SEMA3E: variants seen among roughly 807,000 people sequenced by gnomAD.
The protein encoded by SEMA3E is semaphorin 3E.
A neutral mutation model predicts 93.6 loss-of-function variants in SEMA3E; 49 were observed. That is an observed-to-expected ratio of 0.52 (90% CI 0.42 to 0.66). The LOEUF (loss-of-function observed/expected upper bound fraction) is 0.66. SEMA3E is among the 30% of genes least tolerant of loss of function. The pLI is 0.00. For synonymous variants in SEMA3E, 363 were observed against 330.7 expected, an observed-to-expected ratio of 1.10 and a Z score of -1.06; for missense variants, 906 against 964.8, an observed-to-expected ratio of 0.94 and a Z score of 0.81.
intron 1 of SEMA3E, among the ~76,000 whole-genome samples, chr7:83,516,325 T>C (rs1291205158): frequency 6.6e-6 from 1 of 152,178 alleles, no homozygotes; most frequent in Non-Finnish European, 1.5e-5. Context: ...GACAATCACA[T>C]AAGTTTAAAA....
rs979765655 is a variant in SEMA3E, at chr7:83,507,157, A to C, written c.116-16883T>G. Among the ~76,000 whole-genome samples the C allele has an allele frequency of 1.9e-4, 29 of 152,192 alleles. 1 individual carries two copies. Among genetic ancestry groups the C allele is most frequent in the Admixed American group, 9.2e-4 (14 of 15,278 alleles). On this transcript the variant is annotated intron_variant, in intron 1 of 16. Transcript: ENST00000643230. ...CTAGTGCCCAGGTAACTGGCCATCC[A>C]TCATCTAGTCAAATATGATCTTTAA...
At chr7:83,624,384 CTGT>C (rs1274044707) in intron 1 of SEMA3E, among the ~76,000 whole-genome samples, 1 of 152,134 alleles carries the variant, frequency 6.6e-6, no homozygotes, top group East Asian at 1.9e-4. Context: ...TCTCTAGCAT[CTGT>C]TGTTTCCTGA....
intron 6 of SEMA3E, among the ~76,000 whole-genome samples, chr7:83,407,561 A>G (rs1022824309): frequency 2.0e-5 from 3 of 152,162 alleles, no homozygotes; most frequent in Non-Finnish European, 2.9e-5. Flanking sequence ...TGGGAGCACA[A>G]TGAAGACAAA....
intron 14 of SEMA3E, among the ~76,000 whole-genome samples, chr7:83,389,701 CACATATAT>C (rs1470606575): frequency 2.7e-5 from 4 of 148,356 alleles, no homozygotes; most frequent in Non-Finnish European, 6.0e-5. Flanking sequence ...TATACATACA[CACATATAT>C]ACACGTATAT....
intron 4 of SEMA3E, among the ~76,000 whole-genome samples, chr7:83,448,849 G>C (rs1216616265): frequency 6.6e-6 from 1 of 152,070 alleles, no homozygotes. Context: ...TGGTATGAGA[G>C]ACAAAAGTTC....
chr7:83,473,594 G>A (rs936867384), intron 2 of SEMA3E, among the ~76,000 whole-genome samples: 2 of 152,022 alleles, frequency 1.3e-5, no homozygotes, highest in Admixed American at 1.3e-4. Context: ...TAAAAATCTT[G>A]CATAAAAATC....
intron 5 of SEMA3E, among the ~76,000 whole-genome samples, chr7:83,416,513 T>G (rs1203675019): frequency 6.6e-6 from 1 of 152,114 alleles, no homozygotes; most frequent in African/African-American, 2.4e-5. Flanking sequence ...AATGAAATGT[T>G]AAAAAATAAT....
intron 1 of SEMA3E, among the ~76,000 whole-genome samples, chr7:83,508,478 T>C (rs1378140930): frequency 6.6e-6 from 1 of 152,074 alleles, no homozygotes; most frequent in Non-Finnish European, 1.5e-5. Context: ...GTCAGGCTGG[T>C]CTCGAACTCC....
In SEMA3E at chr7:83,405,503, T is replaced by G. The variant is rs764004282; in HGVS notation, c.945A>C (p.Leu315=). 3.7e-6 allele frequency: 6 copies of G among 1,612,904 alleles called. No individual in the cohort carries two copies. Among genetic ancestry groups the G allele is most frequent in the Non-Finnish European group, 5.1e-6 (6 of 1,179,296 alleles). The stretch of plus-strand genomic sequence containing the variant: ...CTGGATTCTTATGATCTCTGGTAGG[T>G]AGCAAAAAAACGTCCTCTGAAAAAT... ...YFDELEDVFL[L]PTRDHKNPVI... is the part of the protein sequence containing the mutation. Residue 315 remains leucine (L), a synonymous_variant, in exon 9 of 17, where the codon CTA becomes CTC. Coordinates refer to ENST00000643230, the MANE Select transcript of SEMA3E (RefSeq NM_012431.3).
intron 10 of SEMA3E, among the ~76,000 whole-genome samples, chr7:83,400,945 A>G (rs1210719862): frequency 6.6e-6 from 1 of 152,126 alleles, no homozygotes; most frequent in Non-Finnish European, 1.5e-5. Flanking sequence ...GTCTATGATA[A>G]TATGATCAGT....
intron 14 of SEMA3E, among the ~76,000 whole-genome samples, chr7:83,388,413 C>T (rs773472799): frequency 1.3e-5 from 2 of 150,650 alleles, no homozygotes; most frequent in Non-Finnish European, 3.0e-5. Context: ...AGGAATTAAA[C>T]AATGAGAATT....
intron 1 of SEMA3E, among the ~76,000 whole-genome samples, chr7:83,638,452 T>A (rs1363513869): frequency 6.6e-6 from 1 of 152,228 alleles, no homozygotes; most frequent in Non-Finnish European, 1.5e-5. Flanking sequence ...CCATATTAGA[T>A]GTTTTCTCAT....
rs535143722 is a variant in SEMA3E at position 83,408,493 on chromosome 7, C to A, written c.551-6G>T. The A allele has an allele frequency of 1.2e-6, 2 of 1,613,454 alleles. No individual in the cohort carries two copies. The highest frequency in any genetic ancestry group is 2.2e-5 in the South Asian group (2 of 91,060). On this transcript the variant is annotated splice_region_variant and splice_polypyrimidine_tract_variant and intron_variant, in intron 5 of 16. Coordinates refer to ENST00000643230, the MANE Select transcript of SEMA3E (RefSeq NM_012431.3). ...TCCAGCAAACAATTCACTACCTACA[C>A]GGGAGCATCAGTAAAAAAGAAGTCA...
At chr7:83,502,927 AT>A (rs1030605736) in intron 1 of SEMA3E, among the ~76,000 whole-genome samples, 3 of 152,112 alleles carry the variant, frequency 2.0e-5, no homozygotes, top group Non-Finnish European at 4.4e-5. Flanking sequence ...AGGGATAATA[AT>A]AACTAACTGG....
At chr7:83,549,763 T>C (rs1584324759) in intron 1 of SEMA3E, among the ~76,000 whole-genome samples, 1 of 152,110 alleles carries the variant, frequency 6.6e-6, no homozygotes, top group South Asian at 2.1e-4. Context: ...GGCTTCCTCA[T>C]GAGTGTCAGC....
intron 1 of SEMA3E, among the ~76,000 whole-genome samples, chr7:83,557,963 G>C (rs748279779): frequency 3.9e-5 from 6 of 152,116 alleles, no homozygotes; most frequent in Non-Finnish European, 7.4e-5. Context: ...GTAAAACCCA[G>C]TACAATGGCT....
At chr7:83,513,564 G>C (rs1466751858) in intron 1 of SEMA3E, among the ~76,000 whole-genome samples, 2 of 152,110 alleles carry the variant, frequency 1.3e-5, no homozygotes, top group Non-Finnish European at 2.9e-5. Flanking sequence ...AAAATTAAAA[G>C]TCTGGGAGAC....
At chr7:83,601,523 A>G (rs1223780434) in intron 1 of SEMA3E, among the ~76,000 whole-genome samples, 5 of 151,892 alleles carry the variant, frequency 3.3e-5, no homozygotes, top group African/African-American at 1.2e-4. Flanking sequence ...AGTGAATCTG[A>G]TATATAAGCT....
intron 1 of SEMA3E, among the ~76,000 whole-genome samples, chr7:83,614,069 G>A (rs1002789479): frequency 6.6e-6 from 1 of 152,088 alleles, no homozygotes; most frequent in African/African-American, 2.4e-5. Context: ...CTTTCTTGAT[G>A]TTACTAAGAG....
Sources: allele counts gnomAD v4.1 joint callset (sites outside exome capture counted in the v4.1 genomes callset), GRCh38; gene constraint gnomAD v4.1.1; transcripts MANE v1.5; gene names NCBI Gene and HGNC (gene_info 2026-07-23, HGNC 2026-07-21).